Variants in SCFD2 observed in about 807,000 individuals in gnomAD.
The protein encoded by SCFD2 is sec1 family domain containing 2, also known as sec1 family domain-containing protein 2.
Under a neutral mutation model 58.9 loss-of-function variants are expected in SCFD2, and 54 were observed. The observed-to-expected ratio is 0.92, with a 90% confidence interval of 0.74 to 1.15. The LOEUF is 1.15. Ranked by LOEUF, SCFD2 falls within the 50% of genes most tolerant of loss-of-function variation. SCFD2 has a pLI of 0.00. For synonymous variants in SCFD2, 321 were observed against 335.9 expected, an observed-to-expected ratio of 0.96 and a Z score of 0.49; for missense variants, 805 against 836.6, an observed-to-expected ratio of 0.96 and a Z score of 0.47.
intron 5 of SCFD2, among the ~76,000 whole-genome samples, chr4:53,133,722 C>T (rs1393707278): frequency 6.6e-6 from 1 of 152,180 alleles, no homozygotes; most frequent in East Asian, 1.9e-4. Flanking sequence ...TTAACATGAG[C>T]TGCCTTCCAC....
At chr4:52,927,284 C>T (rs1287476026) in intron 5 of SCFD2, among the ~76,000 whole-genome samples, 12 of 150,740 alleles carry the variant, frequency 8.0e-5, no homozygotes, top group Non-Finnish European at 1.8e-4. Flanking sequence ...TTCACTAATC[C>T]TTTGATGACA....
intron 7 of SCFD2, among the ~76,000 whole-genome samples, chr4:52,894,506 T>C (rs1718952924): frequency 6.6e-6 from 1 of 152,238 alleles, no homozygotes; most frequent in South Asian, 2.1e-4. Context: ...ATTAATGTTG[T>C]AGGGAGAGGG....
chr4:52,889,773 A>G (rs1206140660), intron 7 of SCFD2, among the ~76,000 whole-genome samples: 1 of 152,260 alleles, frequency 6.6e-6, no homozygotes, highest in Non-Finnish European at 1.5e-5. Flanking sequence ...AGACCCTCTC[A>G]TAACCTACTC....
At chr4:53,090,666 A>C (rs1038229921) in intron 5 of SCFD2, among the ~76,000 whole-genome samples, 1 of 152,152 alleles carries the variant, frequency 6.6e-6, no homozygotes, top group African/African-American at 2.4e-5. Context: ...TTATTCAACA[A>C]ATATTTGTGA....
intron 4 of SCFD2, among the ~76,000 whole-genome samples, chr4:53,202,470 G>A (rs1216997144): frequency 6.6e-6 from 1 of 150,822 alleles, no homozygotes; most frequent in Non-Finnish European, 1.5e-5. Context: ...GATGCCTCCA[G>A]CTTTGTTCTT....
chr4:53,034,922 G>A (rs1438988631), intron 5 of SCFD2, among the ~76,000 whole-genome samples: 10 of 152,176 alleles, frequency 6.6e-5, no homozygotes, highest in African/African-American at 2.4e-4. Context: ...TACATTCAAT[G>A]CTATCCCCAT....
chr4:53,262,695 GT>G (rs900785688), intron 4 of SCFD2, among the ~76,000 whole-genome samples: 115 of 152,212 alleles, frequency 7.6e-4, no homozygotes, highest in African/African-American at 2.6e-3. Flanking sequence ...TCTTTCCTTT[GT>G]CTTGACTTTA....
At chr4:53,353,188 G>A (rs1360312475) in intron 1 of SCFD2, among the ~76,000 whole-genome samples, 3 of 152,000 alleles carry the variant, frequency 2.0e-5, no homozygotes, top group South Asian at 2.1e-4. Context: ...TCGTGGTCTC[G>A]CTGGCTTCAG....
At chr4:53,237,759 C>G (rs1452908682) in intron 4 of SCFD2, among the ~76,000 whole-genome samples, 1 of 102,982 alleles carries the variant, frequency 9.7e-6, no homozygotes, top group Non-Finnish European at 2.0e-5. Context: ...GGGCGGCTGG[C>G]CGGGCGGGGG....
chr4:52,964,741 A>C (rs535238706), intron 5 of SCFD2, among the ~76,000 whole-genome samples: 1 of 150,896 alleles, frequency 6.6e-6, no homozygotes, highest in South Asian at 2.1e-4. Context: ...CGATCCTTGA[A>C]TCTTTTGGTC....
chr4:53,219,869 T>C (rs574044870), intron 4 of SCFD2, among the ~76,000 whole-genome samples: 82 of 152,334 alleles, frequency 5.4e-4, no homozygotes, highest in Admixed American at 3.7e-3. Context: ...TAATGGTTAC[T>C]ACTACCACCA....
intron 8 of SCFD2, among the ~76,000 whole-genome samples, chr4:52,879,026 T>C (rs1273838865): frequency 6.6e-6 from 1 of 152,170 alleles, no homozygotes; most frequent in Non-Finnish European, 1.5e-5. Flanking sequence ...GGGGTTGTTT[T>C]TGTTCTTCCT....
At chr4:53,299,965 G>C (rs1218231652) in intron 3 of SCFD2, among the ~76,000 whole-genome samples, 2 of 152,040 alleles carry the variant, frequency 1.3e-5, no homozygotes, top group Admixed American at 6.6e-5. Context: ...ACATGGAAAG[G>C]AACAACTGGT....
intron 7 of SCFD2, among the ~76,000 whole-genome samples, chr4:52,894,585 A>G (rs1718955772): frequency 6.6e-6 from 1 of 152,220 alleles, no homozygotes; most frequent in African/African-American, 2.4e-5. Context: ...AAGGTATTCC[A>G]TGCACAAGGA....
At position 53,273,971 on chromosome 4, in the gene SCFD2, T is replaced by C. The variant is rs1396691452; in HGVS notation, c.1166A>G (p.Tyr389Cys). 3.7e-6 allele frequency: 6 copies of C among 1,613,204 alleles called. No homozygotes were observed. Among genetic ancestry groups the C allele is most frequent in the Non-Finnish European group, 5.1e-6 (6 of 1,179,584 alleles). The change falls in exon 4 of 9, where the codon TAT becomes TGT. Residue 389 changes from tyrosine to cysteine, a missense_variant. This residue lies in a region of SCFD2 where 633 missense variants were observed against 646.8 expected (regional missense o/e 0.98). Coordinates refer to ENST00000401642, the MANE Select transcript of SCFD2 (RefSeq NM_152540.4). ...GAGGTTGTTCTTGAAGAGCTGAATA[T>C]AGGACATGAGCTGTCCCGGTGTGAC... ...GRVTPGQLMS[Y>C]IQLFKNNLKA... is the part of the protein sequence containing the mutation.
rs1210129921 is a variant in SCFD2 at position 53,336,311 on chromosome 4, G to C, written c.1007+16287C>G. Among the ~76,000 whole-genome samples the C allele has an allele frequency of 7.9e-5, 12 of 152,158 alleles. No homozygotes were observed. The East Asian group carries it at 2.1e-3, about 27-fold the overall frequency. On this transcript the variant is annotated intron_variant, in intron 2 of 8. Transcript: ENST00000401642. ...AAGACAATCCTGATAGAAAAAGAAA[G>C]TGATATTATTCTATTTATCGAATGA...
chr4:52,992,061 C>T (rs1721624485), intron 5 of SCFD2, among the ~76,000 whole-genome samples: 2 of 152,152 alleles, frequency 1.3e-5, no homozygotes, highest in African/African-American at 2.4e-5. Context: ...TCCCCACGGT[C>T]TCCCTCTGAT....
intron 4 of SCFD2, among the ~76,000 whole-genome samples, chr4:53,180,402 C>G (rs1057215933): frequency 3.3e-5 from 5 of 152,164 alleles, no homozygotes; most frequent in Non-Finnish European, 7.3e-5. Context: ...TGAATGACTA[C>G]TGGGTAAATA....
intron 5 of SCFD2, among the ~76,000 whole-genome samples, chr4:53,049,435 A>G (rs541970820): frequency 2.0e-5 from 3 of 152,352 alleles, no homozygotes; most frequent in South Asian, 4.1e-4. Context: ...TGCACTCTTC[A>G]TAACCTATAT....
Sources: allele counts gnomAD v4.1 joint callset (sites outside exome capture counted in the v4.1 genomes callset), GRCh38; gene constraint gnomAD v4.1.1; regional missense constraint gnomAD v4.1.1; transcripts MANE v1.5; gene names NCBI Gene and HGNC (gene_info 2026-07-23, HGNC 2026-07-21).